The following BUB1B variants were observed in gnomAD, a reference collection of about 807,000 sequenced individuals.
The protein encoded by BUB1B is BUB1 mitotic checkpoint serine/threonine kinase B.
BUB1B carries 86 observed loss-of-function variants against 137.7 expected under a neutral mutation model. The observed-to-expected ratio is 0.62, with a 90% CI of 0.52 to 0.75. The LOEUF is 0.75. BUB1B is among the 30% of genes least tolerant of loss of function. BUB1B has a pLI of 0.00. For synonymous variants in BUB1B, 420 were observed against 417.9 expected, an observed-to-expected ratio of 1.00 and a Z score of -0.06; for missense variants, 1,130 against 1,236.9, an observed-to-expected ratio of 0.91 and a Z score of 1.30.
intron 14 of BUB1B, among the ~76,000 whole-genome samples, chr15:40,203,379 G>A (rs1199069575): frequency 6.6e-6 from 1 of 152,164 alleles, no homozygotes; most frequent in Non-Finnish European, 1.5e-5. Context: ...GGTTTTCCAG[G>A]GGATTAGAGG....
At chr15:40,178,391 T>A (rs919362516) in intron 5 of BUB1B, among the ~76,000 whole-genome samples, 1 of 152,138 alleles carries the variant, frequency 6.6e-6, no homozygotes, top group African/African-American at 2.4e-5. Context: ...ATCTCTGTTA[T>A]TGATATCTAG....
rs145028054 is a variant in BUB1B at position 40,176,642 on chromosome 15, G to A, written c.550G>A (p.Glu184Lys). The A allele has an allele frequency of 6.2e-7, 1 of 1,614,104 alleles. No homozygotes were observed. Among genetic ancestry groups the A allele is most frequent in the Non-Finnish European group, 8.5e-7 (1 of 1,180,012 alleles). The change falls in exon 5 of 23, where the codon GAA becomes AAA. Residue 184 changes from glutamate to lysine, a missense_variant. By Grantham distance (56) the Glu-to-Lys change is moderately conservative. Transcript: ENST00000287598. Reference sequence around the variant, plus strand: ...TCAGGAAGGGATTCAACAGAAGGCTGAACCACTAGAAAGACTACAGTCCCA... The same window carrying A: ...TCAGGAAGGGATTCAACAGAAGGCTAAACCACTAGAAAGACTACAGTCCCA... ...IFQEGIQQKA[E>K]PLERLQSQHR... is the part of the protein sequence containing the mutation.
rs73390168 is a variant in BUB1B at position 40,199,870 on chromosome 15, C to T, written c.1401+143C>T. 13,299 of 704,282 alleles carry T rather than the reference C, an allele frequency of 0.019. 1,198 individuals are homozygous for T. The African/African-American group carries it at 0.21, about 11-fold the overall frequency. 43.6% of individuals were successfully genotyped at this position (704,282 alleles called of 1,614,324 possible). On this transcript the variant is annotated intron_variant, in intron 10 of 22. Transcript: ENST00000287598. ...AGCTGTTAGTAGCCGGAAAGTTGAG[C>T]GGGAAAGTAATTTAACAGGTGACTT...
chr15:40,198,898 G>T (rs1302718770), intron 9 of BUB1B, among the ~76,000 whole-genome samples: 2 of 152,110 alleles, frequency 1.3e-5, no homozygotes, highest in African/African-American at 4.8e-5. Flanking sequence ...AGACCAGCCT[G>T]GGCAATATAG....
chr15:40,178,487 G>A (rs771306037), intron 5 of BUB1B, among the ~76,000 whole-genome samples: 39 of 152,002 alleles, frequency 2.6e-4, no homozygotes, highest in Non-Finnish European at 5.0e-4. Flanking sequence ...CCAGATTATG[G>A]TTTATCTTGG....
chr15:40,193,023 T>A lies in BUB1B; in HGVS notation c.1059-3522T>A, dbSNP rs527393901. Among the ~76,000 whole-genome samples the A allele has an allele frequency of 1.8e-3, 267 of 151,976 alleles. 1 individual carries two copies. Among genetic ancestry groups the A allele is most frequent in the African/African-American group, 5.3e-3 (218 of 41,412 alleles). On this transcript the variant is annotated intron_variant, in intron 8 of 22. Coordinates refer to ENST00000287598, the MANE Select transcript of BUB1B (RefSeq NM_001211.6). ...ATGCCACCATGGCTGGCTTATTATT[T>A]TTTTTTTTTAAAGATGGGGTCTCAC...
In BUB1B at chr15:40,220,742, G is replaced by C. The variant is rs554186151; in HGVS notation, c.3136G>C (p.Ala1046Pro). ...GGTAGGGAAGTTAACTAGTCCTGGG[G>C]CTTTGCTCTTTCAGTGAGCTAGGCA... ...WKVGKLTSPG[A>P]LLFQ Residue 1046 changes from alanine (A) to proline (P), a missense_variant, in exon 23 of 23, where the codon GCT becomes CCT. Transcript: ENST00000287598. 1.2e-6 allele frequency: 2 copies of C among 1,614,002 alleles called. No individual in the cohort carries two copies. The highest frequency in any genetic ancestry group is 1.7e-6 in the Non-Finnish European group (2 of 1,180,024).
intron 8 of BUB1B, among the ~76,000 whole-genome samples, chr15:40,191,874 C>G (rs1026584129): frequency 1.1e-4 from 17 of 151,422 alleles, no homozygotes; most frequent in African/African-American, 3.9e-4. Context: ...TTTTTTTCCC[C>G]TACACGATCT....
At chr15:40,169,936 A>G in intron 2 of BUB1B, 126 bp from the exon 3 acceptor site, 1 of 866,566 alleles carries the variant, frequency 1.2e-6, no homozygotes, top group Non-Finnish European at 1.9e-6. Flanking sequence ...TAACAAACCC[A>G]TAAACTCTAG....
At chr15:40,209,600 G>T (rs1295883755) in intron 16 of BUB1B, 35 bp from the exon 17 acceptor site, 1 of 1,612,118 alleles carries the variant, frequency 6.2e-7, no homozygotes, top group Admixed American at 1.7e-5. Context: ...GGGTTTTTTT[G>T]GTGATATATT....
intron 8 of BUB1B, among the ~76,000 whole-genome samples, chr15:40,193,407 T>C (rs1282196034): frequency 6.6e-6 from 1 of 151,136 alleles, no homozygotes; most frequent in Non-Finnish European, 1.5e-5. Flanking sequence ...TAATGACATC[T>C]GGGAAGCATC....
intron 7 of BUB1B, 79 bp from the exon 8 acceptor site, chr15:40,185,472 T>G: frequency 6.3e-7 from 1 of 1,590,656 alleles, no homozygotes; most frequent in Non-Finnish European, 8.6e-7. Context: ...TAATTCCTCT[T>G]GAATATTTAG....
At position 40,185,587 on chromosome 15, in the gene BUB1B, G is replaced by T; in HGVS notation, c.1003G>T (p.Ala335Ser). The T allele has an allele frequency of 1.2e-6, 2 of 1,614,104 alleles. No homozygotes were observed. The highest frequency in any genetic ancestry group is 1.1e-5 in the South Asian group (1 of 91,086). Reference protein sequence around the residue: ...GNTASLIAVPAVLPSFTPYVE... With the variant: ...GNTASLIAVPSVLPSFTPYVE... ...TACAGCTTCACTGATAGCTGTACCC[G>T]CTGTGCTTCCCAGTTTCACTCCATA... is the stretch of plus-strand genomic sequence containing the variant. The change falls in exon 8 of 23, where the codon GCT (alanine) becomes TCT (serine). Residue 335 changes from alanine (A) to serine (S), a missense_variant. By Grantham distance (99) the Ala-to-Ser change is moderately conservative (BLOSUM62 1). Transcript: ENST00000287598.
intron 20 of BUB1B, among the ~76,000 whole-genome samples, chr15:40,213,772 A>G (rs933995236): frequency 1.3e-5 from 2 of 152,190 alleles, no homozygotes; most frequent in Non-Finnish European, 2.9e-5. Context: ...TCCTGGCCTC[A>G]AGTGATCTGC....
intron 22 of BUB1B, among the ~76,000 whole-genome samples, chr15:40,219,256 C>A (rs921212071): frequency 6.6e-6 from 1 of 152,108 alleles, no homozygotes. Context: ...AATAAGCATC[C>A]TTTGAAAAGA....
rs28989186 is a variant in BUB1B at position 40,176,672 on chromosome 15, C to T, written c.580C>T (p.Arg194Ter). The stretch of plus-strand genomic sequence containing the variant: ...ACTAGAAAGACTACAGTCCCAGCAC[C>T]GGTAAACTTTCTTTGGAGCTTGTCT... Reference protein sequence around the residue: ...EPLERLQSQHRQFQARVSRQT... With the variant: ...EPLERLQSQH Residue 194 changes from arginine to a stop codon, truncating the protein, a stop_gained and splice_region_variant, in exon 5 of 23, where the codon CGA becomes TGA. Coordinates refer to ENST00000287598, the MANE Select transcript of BUB1B (RefSeq NM_001211.6). LOFTEE classifies it high-confidence loss of function. 6.2e-6 allele frequency: 10 copies of T among 1,613,620 alleles called. No homozygotes were observed. Among genetic ancestry groups the T allele is most frequent in the Middle Eastern group, 1.6e-4 (1 of 6,082 alleles).
Position 40,185,181 on chromosome 15 carries a change from A to G in BUB1B, c.768A>G (p.Arg256=). The G allele has an allele frequency of 6.2e-7, 1 of 1,614,056 alleles. No homozygotes were observed. ...GGALKAPSQN[R]GLQNPFPQQM... ...TGCTCCTAGCTCCAAGCCAGAACAG[A>G]GGACTCCAAAATCCATTTCCTCAAC... is the stretch of plus-strand genomic sequence containing the variant. The change falls in exon 7 of 23, where the codon AGA becomes AGG. Residue 256 remains arginine (R), a synonymous_variant. Coordinates refer to ENST00000287598, the MANE Select transcript of BUB1B (RefSeq NM_001211.6).
At chr15:40,215,739 A>C (rs2037770620) in intron 20 of BUB1B, among the ~76,000 whole-genome samples, 1 of 152,134 alleles carries the variant, frequency 6.6e-6, no homozygotes, top group Non-Finnish European at 1.5e-5. Flanking sequence ...ACTGCACTCC[A>C]GCCTGGGTGA....
chr15:40,206,392 C>T lies in BUB1B; in HGVS notation c.1943C>T (p.Thr648Ile), dbSNP rs148348158. 88 of 1,614,174 alleles carry T rather than the reference C, an allele frequency of 5.5e-5. No homozygotes were observed. The African/African-American group carries it at 1.0e-3, about 18-fold the overall frequency. Residue 648 changes from threonine to isoleucine, a missense_variant, in exon 15 of 23, where the codon ACC becomes ATC. Transcript: ENST00000287598. ...CCGGAAGAAGATCTAGATGTAAAGA[C>T]CTCTGAGGACCAGCAGACAGCTTGT... Reference protein sequence around the residue: ...LLPEEDLDVKTSEDQQTACGT... With the variant: ...LLPEEDLDVKISEDQQTACGT...
Sources: allele counts gnomAD v4.1 joint callset (sites outside exome capture counted in the v4.1 genomes callset), GRCh38; gene constraint gnomAD v4.1.1; transcripts MANE v1.5; gene names NCBI Gene and HGNC (gene_info 2026-07-23, HGNC 2026-07-21).